RPS6KB1: variants seen among roughly 807,000 people sequenced by gnomAD.
RPS6KB1 encodes ribosomal protein S6 kinase beta-1.
RPS6KB1 carries 12 observed loss-of-function variants against 70.2 expected under a neutral mutation model. That is an observed-to-expected ratio of 0.17 (90% CI 0.11 to 0.28). The LOEUF (loss-of-function observed/expected upper bound fraction) is 0.28, where lower values mean the gene tolerates loss of function less well. RPS6KB1 is among the 10% of genes least tolerant of loss of function. The probability of loss-of-function intolerance (pLI) is 1.00; values close to 1 mark genes in which losing one functional copy is unlikely to be tolerated. For synonymous variants in RPS6KB1, 175 were observed against 211.2 expected (o/e 0.83, Z 1.49); for missense variants, 270 against 646.6 (o/e 0.42, Z 6.32).
chr17:59,936,351 G>A lies in RPS6KB1; in HGVS notation c.1041+74G>A, dbSNP rs1180020401. 5 of 1,502,340 alleles carry A rather than the reference G, an allele frequency of 3.3e-6. No homozygotes were observed. The East Asian group carries it at 6.8e-5, about 20-fold the overall frequency. 93.1% of individuals were successfully genotyped at this position (1,502,340 alleles called of 1,614,324 possible). A position where few individuals can be genotyped will look rare whatever the true frequency, so the allele number is the denominator to read the frequency against. ...TATGTATTTCTGAGGGTTATATGTA[G>A]TTGCTTATAAGTTTAGCTTATTTTG... On this transcript the variant is annotated intron_variant, in intron 11 of 14. Transcript: ENST00000225577.
At position 59,934,638 on chromosome 17, in the gene RPS6KB1, G is replaced by GATTTGTT; in HGVS notation, c.870+118_870+124dup. On this transcript the variant is annotated intron_variant, in intron 9 of 14. Transcript: ENST00000225577. The surrounding 1 kb of genome is among the most constrained non-coding windows in gnomAD (Gnocchi z 4.8). ...ACCAGTGGAGTTTTCAAAGCCCAAAGATTTGTTATTAGCAGTTTAACACTA... is the reference window on the plus strand; with the variant it reads ...ACCAGTGGAGTTTTCAAAGCCCAAAGATTTGTTATTTGTTATTAGCAGTTTAACACTA... The GATTTGTT allele has an allele frequency of 1.4e-6, 1 of 714,514 alleles. No individual in the cohort carries two copies. The highest frequency in any genetic ancestry group is 1.8e-5 in the South Asian group (1 of 54,524). The allele number at this position is 714,514 out of a possible 1,614,324, so 44.3% of individuals were successfully genotyped here. A position where few individuals can be genotyped will look rare whatever the true frequency, so the allele number is the denominator to read the frequency against.
chr17:59,914,771 T>C, intron 4 of RPS6KB1, 68 bp downstream of exon 4: 2 of 1,161,018 alleles, frequency 1.7e-6, no homozygotes, highest in Non-Finnish European at 2.5e-6. Context: ...GCCAAAAGGC[T>C]GGGAAGCAAT....
At chr17:59,914,505 T>C (rs1215142227) in intron 3 of RPS6KB1, 130 bp from the exon 4 acceptor site, 1 of 732,590 alleles carries the variant, frequency 1.4e-6, no homozygotes, top group Non-Finnish European at 2.4e-6. Context: ...TCTGTTCTTT[T>C]AGCTGATCAT....
intron 1 of RPS6KB1, among the ~76,000 whole-genome samples, chr17:59,896,236 C>T (rs1048680218): frequency 3.3e-5 from 5 of 151,876 alleles, no homozygotes; most frequent in African/African-American, 1.2e-4. Flanking sequence ...TCTATTTGCC[C>T]AGGCTGGAGT....
Position 59,946,689 on chromosome 17 carries a change from G to A in RPS6KB1, c.1479G>A (p.Ser493=), listed in dbSNP as rs757281021. The A allele has an allele frequency of 1.1e-5, 18 of 1,613,948 alleles. No individual in the cohort carries two copies. Among genetic ancestry groups the A allele is most frequent in the Non-Finnish European group, 1.4e-5 (16 of 1,180,012 alleles). The change falls in exon 15 of 15, where the codon TCG becomes TCA. Residue 493 remains serine (S), a synonymous_variant. Coordinates refer to ENST00000225577, the MANE Select transcript of RPS6KB1 (RefSeq NM_003161.4). This position sits in a 1 kb window ranked among gnomAD's most constrained non-coding sequence, Gnocchi z 4.2. ...QMDVTMSGEA[S]APLPIRQPNS... ...ATGTGACAATGAGTGGGGAAGCATC[G>A]GCACCACTTCCAATACGACAGCCGA... is the stretch of plus-strand genomic sequence containing the variant.
At chr17:59,924,404 A>G (rs1273357836) in intron 4 of RPS6KB1, among the ~76,000 whole-genome samples, 2 of 152,122 alleles carry the variant, frequency 1.3e-5, no homozygotes, top group African/African-American at 2.4e-5. Context: ...GTAATAGTCA[A>G]TTAAATTTGT....
intron 12 of RPS6KB1, among the ~76,000 whole-genome samples, chr17:59,939,581 A>G (rs1487050116): frequency 2.6e-5 from 4 of 152,242 alleles, no homozygotes; most frequent in Non-Finnish European, 5.9e-5. Context: ...TGCACCTAGC[A>G]GTTATTTTTA....
intron 7 of RPS6KB1, 91 bp downstream of exon 7, chr17:59,931,813 T>C (rs2043939147): frequency 1.3e-6 from 1 of 781,642 alleles, no homozygotes; most frequent in African/African-American, 1.8e-5. Context: ...CCCAAATTCA[T>C]CTCTCTATTT....
At chr17:59,926,988 G>A (rs1172176157) in intron 5 of RPS6KB1, among the ~76,000 whole-genome samples, 3 of 152,132 alleles carry the variant, frequency 2.0e-5, no homozygotes, top group African/African-American at 7.2e-5. Context: ...TAGTGATGGG[G>A]TATGTAGCTT....
chr17:59,893,387 G>A lies in RPS6KB1; in HGVS notation c.141+62G>A. On this transcript the variant is annotated intron_variant, in intron 1 of 14. Transcript: ENST00000225577. This position sits in a 1 kb window ranked among gnomAD's most constrained non-coding sequence, Gnocchi z 4.1. ...GGCCGGGGCGGCGGCGCGGGCTCAG[G>A]AAGCGCGGTGTGTCCTAGAGCGTGG... 3 of 1,512,250 alleles carry A rather than the reference G, an allele frequency of 2.0e-6. No individual in the cohort carries two copies. The highest frequency in any genetic ancestry group is 1.2e-5 in the South Asian group (1 of 83,388). 93.7% of individuals were successfully genotyped at this position (1,512,250 alleles called of 1,614,324 possible). A position where few individuals can be genotyped will look rare whatever the true frequency, so the allele number is the denominator to read the frequency against.
At chr17:59,929,178 T>C (rs1416464106) in intron 5 of RPS6KB1, among the ~76,000 whole-genome samples, 1 of 151,872 alleles carries the variant, frequency 6.6e-6, no homozygotes, top group African/African-American at 2.4e-5. Flanking sequence ...TTGCCCGGGC[T>C]GGAGTGCAGT....
At chr17:59,923,545 T>C (rs899477391) in intron 4 of RPS6KB1, among the ~76,000 whole-genome samples, 1 of 151,896 alleles carries the variant, frequency 6.6e-6, no homozygotes, top group African/African-American at 2.4e-5. Flanking sequence ...GAGTCTCGCT[T>C]TGTCCCCCAG....
In RPS6KB1 at chr17:59,934,682, A is replaced by G; in HGVS notation, c.870+158A>G. The G allele has an allele frequency of 1.7e-6, 1 of 574,798 alleles. No individual in the cohort carries two copies. 35.6% of individuals were successfully genotyped at this position (574,798 alleles called of 1,614,324 possible). A position where few individuals can be genotyped will look rare whatever the true frequency, so the allele number is the denominator to read the frequency against. On this transcript the variant is annotated intron_variant, in intron 9 of 14. Coordinates refer to ENST00000225577, the MANE Select transcript of RPS6KB1 (RefSeq NM_003161.4). This position sits in a 1 kb window ranked among gnomAD's most constrained non-coding sequence, Gnocchi z 4.8. Reference sequence around the variant, plus strand: ...AACACTAATAATGCTGTATGATTATATGGGATCCCATACTTTCCGAAACAT... The same window carrying G: ...AACACTAATAATGCTGTATGATTATGTGGGATCCCATACTTTCCGAAACAT...
chr17:59,943,905 T>TAC (rs1555654721), intron 13 of RPS6KB1, among the ~76,000 whole-genome samples: 5 of 136,942 alleles, frequency 3.7e-5, no homozygotes, highest in African/African-American at 1.3e-4. Flanking sequence ...TATATATATA[T>TAC]ACACATATAT....
intron 4 of RPS6KB1, among the ~76,000 whole-genome samples, chr17:59,917,313 A>C (rs1404419946): frequency 1.3e-5 from 2 of 151,950 alleles, no homozygotes; most frequent in Non-Finnish European, 2.9e-5. Context: ...ATGGGCACTC[A>C]CCATGTTGCC....
chr17:59,910,916 C>T (rs941397995), intron 2 of RPS6KB1, among the ~76,000 whole-genome samples: 1 of 152,088 alleles, frequency 6.6e-6, no homozygotes, highest in African/African-American at 2.4e-5. Context: ...TGTAGAAATG[C>T]CTCAAAAAGT....
intron 4 of RPS6KB1, among the ~76,000 whole-genome samples, chr17:59,923,725 G>A (rs2043417690): frequency 6.6e-6 from 1 of 151,838 alleles, no homozygotes; most frequent in Non-Finnish European, 1.5e-5. Context: ...GGCCAGGCTG[G>A]TCTTGAACTC....
chr17:59,908,829 A>G (rs1217558685), intron 1 of RPS6KB1, among the ~76,000 whole-genome samples: 1 of 140,994 alleles, frequency 7.1e-6, no homozygotes, highest in Non-Finnish European at 1.5e-5. Context: ...CGTGTTAGCC[A>G]GGATGGTCTC....
chr17:59,903,738 T>G (rs1424578830), intron 1 of RPS6KB1, among the ~76,000 whole-genome samples: 1 of 152,132 alleles, frequency 6.6e-6, no homozygotes, highest in East Asian at 1.9e-4. Flanking sequence ...ATTATCCTAG[T>G]GGGTGTGAAG....
Sources: gnomAD v4.1 joint callset for allele counts (sites outside exome capture counted in the v4.1 genomes callset) on GRCh38, gnomAD v4.1.1 for gene constraint, Gnocchi (gnomAD v3.1) non-coding constraint, MANE v1.5 for transcripts, NCBI Gene and HGNC (gene_info 2026-07-23, HGNC 2026-07-21) for gene names.